The following CNOT1 variants were observed in gnomAD, a reference collection of about 807,000 sequenced individuals.
The protein encoded by CNOT1 is CCR4-associated factor 1.
In CNOT1, 15 loss-of-function variants were observed where a neutral mutation model predicts 273.8. That is an observed-to-expected ratio of 0.05 (90% CI 0.04 to 0.08). CNOT1 has a LOEUF of 0.08. Ranked by LOEUF, CNOT1 falls within the 10% of genes least tolerant of loss-of-function variation. The probability of loss-of-function intolerance (pLI) is 1.00; values close to 1 mark genes in which losing one functional copy is unlikely to be tolerated. For missense variants in CNOT1, 1,644 were observed against 2,912.2 expected (o/e 0.56, Z 10.02); for synonymous variants, 1,022 against 1,005.5 (o/e 1.02, Z -0.31).
At chr16:58,623,143 A>C (rs2043416845) in intron 1 of CNOT1, 1 of 152,206 alleles carries the variant, frequency 6.6e-6, no homozygotes, top group Admixed American at 6.5e-5. Context: ...GGTTGCAGTG[A>C]GCCGATATCG....
intron 16 of CNOT1, among the ~76,000 whole-genome samples, chr16:58,564,874 T>C (rs1381272285): frequency 6.6e-6 from 1 of 151,956 alleles, no homozygotes; most frequent in Non-Finnish European, 1.5e-5. Flanking sequence ...AGGCAGATGT[T>C]GCAGTGAGCG....
At chr16:58,628,599 T>TAA (rs11394544) in intron 1 of CNOT1, among the ~76,000 whole-genome samples, 32,713 of 140,888 alleles carry the variant, frequency 0.23, 3,976 homozygotes, top group African/African-American at 0.33. Context: ...ATCACTGACT[T>TAA]AAAAAAAAAA....
chr16:58,589,453 A>T (rs1349142366), intron 2 of CNOT1, among the ~76,000 whole-genome samples: 1 of 152,194 alleles, frequency 6.6e-6, no homozygotes, highest in African/African-American at 2.4e-5. Context: ...CAGAGGTTGC[A>T]GTGAGCTGAG....
In CNOT1 at chr16:58,541,492, C is replaced by T; in HGVS notation, c.4800+9G>A. 1 of 1,609,270 alleles carries T rather than the reference C, an allele frequency of 6.2e-7. No homozygotes were observed. The highest frequency in any genetic ancestry group is 8.5e-7 in the Non-Finnish European group (1 of 1,177,718). On this transcript the variant is annotated intron_variant, in intron 34 of 48. Coordinates refer to ENST00000317147, the MANE Select transcript of CNOT1 (RefSeq NM_016284.5). ...GCAAAACACTCAATTTAATCTAAAA[C>T]ACATTTACCTTCATGGGCTGGGCTA...
chr16:58,592,669 T>C (rs1455534244), intron 2 of CNOT1, among the ~76,000 whole-genome samples: 1 of 152,148 alleles, frequency 6.6e-6, no homozygotes, highest in Non-Finnish European at 1.5e-5. Context: ...TCTTTGAAAC[T>C]GATAAATTCA....
chr16:58,522,237 C>CAAAA (rs56149974), intron 47 of CNOT1, among the ~76,000 whole-genome samples: 45 of 98,584 alleles, frequency 4.6e-4, no homozygotes, highest in East Asian at 2.5e-3. Flanking sequence ...GAGACTGTCT[C>CAAAA]AAAAAAAAAA....
intron 23 of CNOT1, 146 bp downstream of exon 23, chr16:58,551,443 G>A: frequency 8.4e-7 from 1 of 1,191,496 alleles, no homozygotes; most frequent in Non-Finnish European, 1.2e-6. Context: ...GGAAATATAA[G>A]GATGGGAGAT....
intron 1 of CNOT1, among the ~76,000 whole-genome samples, chr16:58,621,728 C>T (rs2043324626): frequency 6.8e-6 from 1 of 147,222 alleles, no homozygotes; most frequent in South Asian, 2.2e-4. Flanking sequence ...ACCATCCTGG[C>T]TAACACGGTG....
At chr16:58,604,366 AAGGGATT>A (rs2042586080) in intron 1 of CNOT1, among the ~76,000 whole-genome samples, 1 of 152,220 alleles carries the variant, frequency 6.6e-6, no homozygotes, top group African/African-American at 2.4e-5. Flanking sequence ...CATTCACTAT[AAGGGATT>A]TGTAGCGCTG....
At chr16:58,569,621 CCA>C (rs869137396) in intron 16 of CNOT1, among the ~76,000 whole-genome samples, 1 of 142,886 alleles carries the variant, frequency 7.0e-6, no homozygotes, top group South Asian at 2.5e-4. Flanking sequence ...GTTTCACTAA[CCA>C]CATGTCCCAC....
chr16:58,539,687 C>T, intron 35 of CNOT1, 81 bp downstream of exon 35: 2 of 1,350,532 alleles, frequency 1.5e-6, no homozygotes, highest in Non-Finnish European at 2.0e-6. Context: ...AGCATAACTG[C>T]ATAAATATGT....
chr16:58,616,416 T>C (rs2043085224), intron 1 of CNOT1, among the ~76,000 whole-genome samples: 1 of 151,744 alleles, frequency 6.6e-6, no homozygotes, highest in Non-Finnish European at 1.5e-5. Context: ...TACAAGGACT[T>C]TGTTTTTATT....
intron 16 of CNOT1, among the ~76,000 whole-genome samples, chr16:58,574,280 G>A (rs1402789553): frequency 6.6e-6 from 1 of 151,800 alleles, no homozygotes; most frequent in African/African-American, 2.4e-5. Flanking sequence ...CCACTTAAAA[G>A]AGAGAGACCA....
intron 2 of CNOT1, among the ~76,000 whole-genome samples, chr16:58,592,182 A>C (rs1025486925): frequency 6.6e-6 from 1 of 152,114 alleles, no homozygotes; most frequent in African/African-American, 2.4e-5. Flanking sequence ...TTAGAGGATA[A>C]ATATAATCTT....
intron 16 of CNOT1, among the ~76,000 whole-genome samples, chr16:58,568,903 G>A (rs377124640): frequency 2.0e-5 from 3 of 152,096 alleles, no homozygotes; most frequent in African/African-American, 4.8e-5. Flanking sequence ...GGGCAATAAC[G>A]AACAATGTGC....
In CNOT1 at chr16:58,606,824, G is replaced by T. The variant is rs897221313; in HGVS notation, c.-174-7313C>A. Among the ~76,000 whole-genome samples the T allele has an allele frequency of 2.0e-5, 3 of 151,640 alleles. No homozygotes were observed. The South Asian group carries it at 6.3e-4, about 32-fold the overall frequency. ...GTATCAAAAAAAAAGAAAAAAAAAA[G>T]ATTATCTTCATACATGCAATATGAC... On this transcript the variant is annotated intron_variant, in intron 1 of 48. Coordinates refer to ENST00000317147, the MANE Select transcript of CNOT1 (RefSeq NM_016284.5).
At chr16:58,527,880 C>A in intron 44 of CNOT1, 1 of 244,318 alleles carries the variant, frequency 4.1e-6, no homozygotes, top group South Asian at 4.3e-5. Context: ...CTTTGGGAGG[C>A]CGAAGCAGGC....
In CNOT1 at chr16:58,594,567, G is replaced by A. The variant is rs1355819762; in HGVS notation, c.102+4669C>T. On this transcript the variant is annotated intron_variant, in intron 2 of 48. Coordinates refer to ENST00000317147, the MANE Select transcript of CNOT1 (RefSeq NM_016284.5). ...GTCTGTAATCCCAGAATTTTGGGAG[G>A]CTGAGGCGGGTAGATCACATGATGC... Among the ~76,000 whole-genome samples, 14 of 152,074 alleles carry A rather than the reference G, an allele frequency of 9.2e-5. No individual in the cohort carries two copies. In the East Asian group the frequency reaches 2.5e-3, roughly 27 times the overall value.
intron 21 of CNOT1, among the ~76,000 whole-genome samples, chr16:58,554,390 G>C (rs1460449867): frequency 6.6e-6 from 1 of 152,152 alleles, no homozygotes; most frequent in African/African-American, 2.4e-5. Context: ...AAAATATTCT[G>C]CATCAGCCAG....
Sources: gnomAD v4.1 joint callset for allele counts (sites outside exome capture counted in the v4.1 genomes callset) on GRCh38, gnomAD v4.1.1 for gene constraint, MANE v1.5 for transcripts, NCBI Gene and HGNC (gene_info 2026-07-23, HGNC 2026-07-21) for gene names.